PTPRD: variants seen among roughly 807,000 people sequenced by gnomAD.
The protein encoded by PTPRD is receptor-type tyrosine-protein phosphatase delta.
In PTPRD, 34 loss-of-function variants were observed where a neutral mutation model predicts 214.5. That is an observed-to-expected ratio of 0.16 (90% confidence interval 0.12 to 0.21). PTPRD has a LOEUF of 0.21. PTPRD is among the 10% of genes least tolerant of loss of function. The pLI, the probability that PTPRD is intolerant of heterozygous loss-of-function variation, is 1.00. For synonymous variants in PTPRD, 1,128 were observed against 845.7 expected (o/e 1.33, Z -5.79); for missense variants, 2,545 against 2,398.7 (o/e 1.06, Z -1.27).
chr9:9,416,515 G>A (rs918711357), intron 8 of PTPRD, among the ~76,000 whole-genome samples: 8 of 152,152 alleles, frequency 5.3e-5, no homozygotes, highest in African/African-American at 1.9e-4. Flanking sequence ...ATTGCTGTCA[G>A]AACACGTCCA....
chr9:10,493,167 T>C (rs982491654), intron 2 of PTPRD, among the ~76,000 whole-genome samples: 3 of 152,130 alleles, frequency 2.0e-5, no homozygotes, highest in African/African-American at 4.8e-5. Context: ...AAAATGGGCA[T>C]ACTACCTAAA....
rs1555347109 is a variant in PTPRD at position 10,438,008 on chromosome 9, C to CATATATATTATATATATAT, written c.-599-96992_-599-96991insATATATATATAATATATAT. Among the ~76,000 whole-genome samples, 53 of 125,150 alleles carry CATATATATTATATATATAT rather than the reference C, an allele frequency of 4.2e-4. 4 individuals are homozygous for CATATATATTATATATATAT. The highest frequency in any genetic ancestry group is 2.0e-3 in the African/African-American group (51 of 25,996). The allele number at this position is 125,150 out of a possible 152,430, so 82.1% of individuals were successfully genotyped here. A position where few individuals can be genotyped will look rare whatever the true frequency, so the allele number is the denominator to read the frequency against. On this transcript the variant is annotated intron_variant, in intron 2 of 45. Coordinates refer to ENST00000381196, the MANE Select transcript of PTPRD (RefSeq NM_002839.4). ...CTGGACTATCAGCTCCCTAAGTCTACATATATATATATATATATATAGTGA... is the reference window on the plus strand; with the variant it reads ...CTGGACTATCAGCTCCCTAAGTCTACATATATATTATATATATATATATATATATATATATATATAGTGA...
chr9:8,969,205 G>A (rs924240005), intron 11 of PTPRD, among the ~76,000 whole-genome samples: 1 of 151,924 alleles, frequency 6.6e-6, no homozygotes, highest in African/African-American at 2.4e-5. Context: ...TGGTATTAAC[G>A]AAAATTAAAA....
intron 12 of PTPRD, among the ~76,000 whole-genome samples, chr9:8,715,751 A>C (rs1345815484): frequency 7.9e-5 from 12 of 152,258 alleles, no homozygotes; most frequent in Non-Finnish European, 1.0e-4. Context: ...ATCAAGCAGC[A>C]ATCATGTTTC....
chr9:10,184,049 T>C (rs548162994), intron 3 of PTPRD, among the ~76,000 whole-genome samples: 2 of 152,320 alleles, frequency 1.3e-5, no homozygotes, highest in African/African-American at 4.8e-5. Flanking sequence ...ATTTTTCCAC[T>C]ATTTAAGGAA....
At chr9:10,023,065 A>T (rs921258799) in intron 4 of PTPRD, among the ~76,000 whole-genome samples, 11 of 152,176 alleles carry the variant, frequency 7.2e-5, no homozygotes, top group Non-Finnish European at 1.2e-4. Flanking sequence ...ACCTATTTTT[A>T]TATGTATACT....
At chr9:9,752,360 G>A (rs769122812) in intron 6 of PTPRD, among the ~76,000 whole-genome samples, 7 of 151,994 alleles carry the variant, frequency 4.6e-5, no homozygotes, top group South Asian at 2.1e-4. Context: ...ATTAAAGTAC[G>A]TAAGAGATAG....
intron 14 of PTPRD, among the ~76,000 whole-genome samples, chr9:8,602,966 T>G (rs1315078807): frequency 6.6e-6 from 1 of 152,154 alleles, no homozygotes; most frequent in Non-Finnish European, 1.5e-5. Flanking sequence ...TAGTCTTCCT[T>G]AGACTGCTGC....
chr9:8,672,626 T>C (rs1028384320), intron 12 of PTPRD, among the ~76,000 whole-genome samples: 3 of 152,082 alleles, frequency 2.0e-5, no homozygotes, highest in Admixed American at 1.3e-4. Flanking sequence ...TATCCTCTAA[T>C]GAACAAATCT....
At chr9:9,502,842 G>A (rs1284043553) in intron 8 of PTPRD, among the ~76,000 whole-genome samples, 1 of 151,882 alleles carries the variant, frequency 6.6e-6, no homozygotes, top group African/African-American at 2.4e-5. Context: ...TGCAAAATGA[G>A]ATTCTATTTA....
chr9:10,389,296 C>T (rs190897612), intron 2 of PTPRD, among the ~76,000 whole-genome samples: 18 of 151,888 alleles, frequency 1.2e-4, no homozygotes, highest in Admixed American at 1.1e-3. Context: ...ATGAAATGCT[C>T]CCAGTGTGAG....
intron 11 of PTPRD, among the ~76,000 whole-genome samples, chr9:8,938,391 G>A (rs1402509402): frequency 1.3e-5 from 2 of 152,138 alleles, no homozygotes; most frequent in African/African-American, 2.4e-5. Flanking sequence ...GCCATTTAAT[G>A]TAAGAGATGT....
intron 2 of PTPRD, among the ~76,000 whole-genome samples, chr9:10,504,937 CT>C (rs1378812590): frequency 6.6e-6 from 1 of 152,152 alleles, no homozygotes; most frequent in African/African-American, 2.4e-5. Flanking sequence ...ATAAAGCTGA[CT>C]TGTAACACTG....
intron 2 of PTPRD, among the ~76,000 whole-genome samples, chr9:10,580,415 C>G (rs1477800451): frequency 6.6e-6 from 1 of 152,098 alleles, no homozygotes; most frequent in Non-Finnish European, 1.5e-5. Flanking sequence ...AGTCTATGTG[C>G]CTAGGCACAT....
At chr9:9,241,594 T>C (rs1377458561) in intron 9 of PTPRD, among the ~76,000 whole-genome samples, 2 of 152,072 alleles carry the variant, frequency 1.3e-5, no homozygotes, top group Non-Finnish European at 2.9e-5. Flanking sequence ...GTAAAAAATG[T>C]CCCTTTGTCT....
chr9:8,355,047 T>A (rs2076620869), intron 39 of PTPRD, among the ~76,000 whole-genome samples: 2 of 152,140 alleles, frequency 1.3e-5, no homozygotes, highest in Non-Finnish European at 2.9e-5. Context: ...TGAGATATGA[T>A]CCTCAATGGT....
At position 8,618,866 on chromosome 9, in the gene PTPRD, TTGTG is replaced by T. The variant is rs371767469; in HGVS notation, c.352+14447_352+14450del. Reference sequence around the variant, plus strand: ...TGCATGCCACCACACCCAGCTAATTTTGTGTGTGTGTGTGTGTGTGTGTGTGTGT... The same window carrying T: ...TGCATGCCACCACACCCAGCTAATTTTGTGTGTGTGTGTGTGTGTGTGTGT... On this transcript the variant is annotated intron_variant, in intron 14 of 45. Transcript: ENST00000381196. 2.5e-3 allele frequency among the ~76,000 whole-genome samples: 327 copies of T among 130,942 alleles called. 2 individuals are homozygous for T. Among genetic ancestry groups the T allele is most frequent in the East Asian group, 0.014 (62 of 4,434 alleles). The allele number at this position is 130,942 out of a possible 152,430, so 85.9% of individuals were successfully genotyped here.
intron 2 of PTPRD, among the ~76,000 whole-genome samples, chr9:10,413,860 G>C (rs1010144256): frequency 6.6e-6 from 1 of 151,910 alleles, no homozygotes; most frequent in African/African-American, 2.4e-5. Context: ...CATGGGGAAA[G>C]GACTCCCTAG....
rs1336611086 is a variant in PTPRD, at chr9:9,440,511, T to C, written c.-236-43029A>G. 2.0e-5 allele frequency among the ~76,000 whole-genome samples: 3 copies of C among 152,190 alleles called. No homozygotes were observed. In the East Asian group the frequency reaches 5.8e-4, roughly 29 times the overall value. ...AATTTGCAAAAAAGCAAAGCCATTA[T>C]TCAATACATATCTCTTAGGCAGAAA... is the stretch of plus-strand genomic sequence containing the variant. On this transcript the variant is annotated intron_variant, in intron 8 of 45. Coordinates refer to ENST00000381196, the MANE Select transcript of PTPRD (RefSeq NM_002839.4).
Sources: gnomAD v4.1 joint callset for allele counts (sites outside exome capture counted in the v4.1 genomes callset) on GRCh38, gnomAD v4.1.1 for gene constraint, MANE v1.5 for transcripts, NCBI Gene and HGNC (gene_info 2026-07-23, HGNC 2026-07-21) for gene names.